The following SLC24A2 variants were observed in gnomAD, a reference collection of about 807,000 sequenced individuals.
The protein encoded by SLC24A2 is sodium/potassium/calcium exchanger 2.
In SLC24A2, 36 loss-of-function variants were observed where a neutral mutation model predicts 62.0. The ratio of observed to expected loss-of-function variants is 0.58; its 90% CI spans 0.44 to 0.77. The LOEUF (loss-of-function observed/expected upper bound fraction) is 0.77, where lower values mean the gene tolerates loss of function less well. SLC24A2 is among the 30% of genes least tolerant of loss of function. The pLI is 0.00. For synonymous variants in SLC24A2, 358 were observed against 294.0 expected (o/e 1.22, Z -2.23); for missense variants, 846 against 817.9 (o/e 1.03, Z -0.42).
At chr9:19,974,312 T>C in the SLC24A2 span, among the ~76,000 whole-genome samples, 1 of 152,172 alleles carries the variant, frequency 6.6e-6, no homozygotes, top group Non-Finnish European at 1.5e-5. Context: ...TGAAACCCTA[T>C]AGTGAAATTT....
chr9:19,961,034 G>GTGTC, the SLC24A2 span, among the ~76,000 whole-genome samples: 1 of 146,692 alleles, frequency 6.8e-6, no homozygotes, highest in African/African-American at 2.7e-5. Context: ...GTGTGTGTGT[G>GTGTC]TGTGTGTGTG....
chr9:20,247,476 T>C, the SLC24A2 span, among the ~76,000 whole-genome samples: 1 of 152,178 alleles, frequency 6.6e-6, no homozygotes, highest in Non-Finnish European at 1.5e-5. Context: ...CCCCCATGGA[T>C]GAGACTAGTG....
chr9:19,593,468 G>C (rs1836615594), intron 5 of SLC24A2, among the ~76,000 whole-genome samples: 1 of 152,152 alleles, frequency 6.6e-6, no homozygotes, highest in Non-Finnish European at 1.5e-5. Flanking sequence ...CAGGGGAGGG[G>C]GAAAGGGCTC....
chr9:19,513,060 T>C lies in SLC24A2; in HGVS notation c.*3093A>G, dbSNP rs1480751254. 6.6e-6 allele frequency: 1 copy of C among 151,088 alleles called. No homozygotes were observed. Among genetic ancestry groups the C allele is most frequent in the Non-Finnish European group, 1.5e-5 (1 of 67,908 alleles). The allele number at this position is 151,088 out of a possible 1,614,324, so 9.4% of individuals were successfully genotyped here. A position where few individuals can be genotyped will look rare whatever the true frequency, so the allele number is the denominator to read the frequency against. ...TTCCTTTTCCTTGACTTTGGCAAAC[T>C]TGATGCTCCCTGCTTTAGAATCCTG... On this transcript the variant is annotated 3_prime_UTR_variant, in exon 11 of 11. Transcript: ENST00000341998.
intron 2 of SLC24A2, among the ~76,000 whole-genome samples, chr9:19,732,939 T>A (rs982897481): frequency 1.3e-5 from 2 of 152,214 alleles, no homozygotes; most frequent in African/African-American, 4.8e-5. Flanking sequence ...ACCTGTGGCC[T>A]TTTTGTTTTA....
chr9:19,566,127 A>G (rs1448479278), intron 7 of SLC24A2, among the ~76,000 whole-genome samples: 1 of 152,146 alleles, frequency 6.6e-6, no homozygotes, highest in Non-Finnish European at 1.5e-5. Flanking sequence ...AATCGAATTA[A>G]ACTAAGGAGC....
chr9:19,524,284 C>A (rs1380202568), intron 9 of SLC24A2, among the ~76,000 whole-genome samples: 1 of 151,760 alleles, frequency 6.6e-6, no homozygotes. Context: ...GACACAAGGT[C>A]TTAGTTGACT....
chr9:19,669,498 C>G (rs898067892), intron 2 of SLC24A2, among the ~76,000 whole-genome samples: 60 of 152,332 alleles, frequency 3.9e-4, no homozygotes, highest in Admixed American at 2.0e-4. Context: ...TTAAACTACA[C>G]AAACTTATTA....
At chr9:19,549,130 T>C (rs1834720756) in intron 8 of SLC24A2, among the ~76,000 whole-genome samples, 1 of 152,198 alleles carries the variant, frequency 6.6e-6, no homozygotes, top group Admixed American at 6.5e-5. Flanking sequence ...TATGTGATAA[T>C]GGTAGATAAT....
At chr9:19,825,330 A>C in the SLC24A2 span, among the ~76,000 whole-genome samples, 1 of 152,144 alleles carries the variant, frequency 6.6e-6, no homozygotes, top group African/African-American at 2.4e-5. Context: ...TAATTCTATA[A>C]ATAATTTAGT....
intron 8 of SLC24A2, among the ~76,000 whole-genome samples, chr9:19,532,480 T>G (rs10811198): frequency 0.74 from 112,418 of 152,120 alleles, 43,777 homozygotes; most frequent in East Asian, 1. Context: ...TTGTATTGTT[T>G]TTATCTGTAT....
intron 2 of SLC24A2, among the ~76,000 whole-genome samples, chr9:19,765,667 C>T (rs1002989185): frequency 3.3e-5 from 5 of 152,238 alleles, no homozygotes; most frequent in Non-Finnish European, 7.3e-5. Context: ...GACAGAACTG[C>T]TGTTAGTCTG....
At chr9:20,075,924 G>A in the SLC24A2 span, among the ~76,000 whole-genome samples, 1 of 152,058 alleles carries the variant, frequency 6.6e-6, no homozygotes, top group Non-Finnish European at 1.5e-5. Context: ...AAATGGTGTC[G>A]TATTTGCATA....
At chr9:20,198,248 T>G in the SLC24A2 span, among the ~76,000 whole-genome samples, 5 of 152,216 alleles carry the variant, frequency 3.3e-5, no homozygotes, top group African/African-American at 1.2e-4. Context: ...TCTTTTTTCT[T>G]GTTTGAAGTC....
chr9:19,652,480 C>T (rs953980989), intron 2 of SLC24A2, among the ~76,000 whole-genome samples: 14 of 152,082 alleles, frequency 9.2e-5, no homozygotes, highest in African/African-American at 3.4e-4. Flanking sequence ...GAGGTGTGAC[C>T]ATGAAACCAG....
At chr9:19,901,622 G>T in the SLC24A2 span, among the ~76,000 whole-genome samples, 2 of 152,288 alleles carry the variant, frequency 1.3e-5, no homozygotes, top group South Asian at 4.1e-4. Flanking sequence ...ACACACACAT[G>T]TAACATACGA....
intron 7 of SLC24A2, among the ~76,000 whole-genome samples, chr9:19,566,455 G>C (rs1835655477): frequency 1.3e-5 from 2 of 149,480 alleles, no homozygotes; most frequent in African/African-American, 4.9e-5. Flanking sequence ...TAAAAAGTCA[G>C]GAAACAACAG....
intron 7 of SLC24A2, among the ~76,000 whole-genome samples, chr9:19,568,572 A>G (rs1835745612): frequency 6.6e-6 from 1 of 152,200 alleles, no homozygotes; most frequent in Admixed American, 6.5e-5. Context: ...GATAGAAACC[A>G]TTATTATCCC....
At chr9:19,727,996 C>T (rs1821222435) in intron 2 of SLC24A2, among the ~76,000 whole-genome samples, 1 of 152,086 alleles carries the variant, frequency 6.6e-6, no homozygotes, top group Non-Finnish European at 1.5e-5. Flanking sequence ...TGTTATCAGC[C>T]CTTTTCAAGT....
Sources: allele counts gnomAD v4.1 joint callset (sites outside exome capture counted in the v4.1 genomes callset), GRCh38; gene constraint gnomAD v4.1.1; transcripts MANE v1.5; gene names NCBI Gene and HGNC (gene_info 2026-07-23, HGNC 2026-07-21).